Variants in TTC28 observed in about 807,000 individuals in gnomAD.
TTC28 encodes the protein tetratricopeptide repeat protein 28.
In TTC28, 61 loss-of-function variants were observed where a neutral mutation model predicts 198.0. That is an observed-to-expected ratio of 0.31 (90% CI 0.25 to 0.38). The LOEUF is 0.38. Ranked by LOEUF, TTC28 falls within the 10% of genes least tolerant of loss-of-function variation. The pLI is 1.00. For missense variants in TTC28, 2,678 were observed against 3,164.0 expected (o/e 0.85, Z 3.69); for synonymous variants, 1,171 against 1,297.8 (o/e 0.90, Z 2.10).
At chr22:28,487,888 T>G (rs944687485) in intron 2 of TTC28, among the ~76,000 whole-genome samples, 4 of 152,220 alleles carry the variant, frequency 2.6e-5, no homozygotes, top group Non-Finnish European at 4.4e-5. Context: ...GGAGATTAAG[T>G]GAGACCATGT....
At chr22:28,585,977 TA>T (rs892582692) in intron 2 of TTC28, among the ~76,000 whole-genome samples, 448 of 141,114 alleles carry the variant, frequency 3.2e-3, no homozygotes, top group Non-Finnish European at 3.0e-3. Flanking sequence ...AAGGTACAAT[TA>T]AAAAAAAAAA....
At chr22:28,580,446 C>T (rs761430768) in intron 2 of TTC28, among the ~76,000 whole-genome samples, 4 of 152,086 alleles carry the variant, frequency 2.6e-5, no homozygotes, top group Non-Finnish European at 5.9e-5. Flanking sequence ...CTATGTTGCC[C>T]AGGCTGGTCT....
chr22:27,992,459 TCTC>T (rs1937451086), intron 19 of TTC28, 125 bp downstream of exon 19: 8 of 966,604 alleles, frequency 8.3e-6, no homozygotes, highest in Non-Finnish European at 1.2e-5. Flanking sequence ...GCCCTCACCT[TCTC>T]CTTTGAATCA....
At chr22:28,256,984 G>A (rs936488884) in intron 5 of TTC28, among the ~76,000 whole-genome samples, 4 of 152,236 alleles carry the variant, frequency 2.6e-5, no homozygotes, top group African/African-American at 9.6e-5. Context: ...AGGTTACAGT[G>A]AGCTATGATC....
At chr22:28,144,593 T>A (rs752045031) in intron 6 of TTC28, among the ~76,000 whole-genome samples, 3 of 152,210 alleles carry the variant, frequency 2.0e-5, no homozygotes, top group African/African-American at 7.2e-5. Flanking sequence ...ATCTGTAAGC[T>A]TATTTTAAAA....
At chr22:28,170,858 CCTCTCAGGCTCACCCAG>C (rs1300737839) in intron 5 of TTC28, among the ~76,000 whole-genome samples, 3 of 152,082 alleles carry the variant, frequency 2.0e-5, no homozygotes, top group African/African-American at 7.2e-5. Context: ...CTCACCACCC[CCTCTCAGGCTCACCCAG>C]CTCTTCAACC....
chr22:28,155,550 A>C (rs370849493), intron 6 of TTC28, among the ~76,000 whole-genome samples: 1 of 152,358 alleles, frequency 6.6e-6, no homozygotes, highest in South Asian at 2.1e-4. Flanking sequence ...TTATATTGTT[A>C]CTAAGAGAGG....
intron 14 of TTC28, among the ~76,000 whole-genome samples, chr22:28,010,689 T>C (rs772277945): frequency 7.1e-4 from 108 of 152,170 alleles, no homozygotes; most frequent in Non-Finnish European, 1.3e-3. Context: ...CTGTGCTGGC[T>C]GGCAGAGGCA....
intron 5 of TTC28, among the ~76,000 whole-genome samples, chr22:28,226,008 A>G (rs900941636): frequency 1.3e-5 from 2 of 152,192 alleles, no homozygotes; most frequent in African/African-American, 4.8e-5. Flanking sequence ...TGTTGTTTGG[A>G]TATACTACCA....
At chr22:28,653,306 C>A (rs1421848203) in intron 1 of TTC28, among the ~76,000 whole-genome samples, 1 of 152,110 alleles carries the variant, frequency 6.6e-6, no homozygotes, top group East Asian at 1.9e-4. Flanking sequence ...GAGTTCCAGA[C>A]CAGCCTGGGT....
chr22:28,217,373 C>T (rs1927490318), intron 5 of TTC28, among the ~76,000 whole-genome samples: 1 of 152,128 alleles, frequency 6.6e-6, no homozygotes, highest in Non-Finnish European at 1.5e-5. Flanking sequence ...ATGAGTTTTG[C>T]CATATACCTA....
intron 2 of TTC28, among the ~76,000 whole-genome samples, chr22:28,607,177 T>A (rs2050749489): frequency 6.6e-6 from 1 of 152,172 alleles, no homozygotes; most frequent in African/African-American, 2.4e-5. Context: ...AACTTTCCAC[T>A]CCTTATCAAA....
chr22:28,607,163 T>TC (rs1382001372), intron 2 of TTC28, among the ~76,000 whole-genome samples: 1 of 152,212 alleles, frequency 6.6e-6, no homozygotes, highest in Non-Finnish European at 1.5e-5. Flanking sequence ...TCACATTTTT[T>TC]CACAACTTTC....
chr22:28,574,852 T>G (rs1042227801), intron 2 of TTC28, among the ~76,000 whole-genome samples: 6 of 152,198 alleles, frequency 3.9e-5, no homozygotes, highest in African/African-American at 1.4e-4. Context: ...TCAGATTGTT[T>G]GCCCATTTTT....
chr22:28,256,075 G>C (rs573794821), intron 5 of TTC28, among the ~76,000 whole-genome samples: 1 of 151,678 alleles, frequency 6.6e-6, no homozygotes, highest in African/African-American at 2.4e-5. Context: ...TAGTAGCAAA[G>C]AAATAGTACA....
intron 5 of TTC28, among the ~76,000 whole-genome samples, chr22:28,289,012 G>A (rs889746376): frequency 1.3e-5 from 2 of 152,088 alleles, no homozygotes; most frequent in African/African-American, 2.4e-5. Context: ...TCCTCCACTT[G>A]CATAAGAATA....
intron 2 of TTC28, among the ~76,000 whole-genome samples, chr22:28,392,059 C>T (rs979734750): frequency 6.6e-6 from 1 of 152,186 alleles, no homozygotes; most frequent in Non-Finnish European, 1.5e-5. Context: ...TTCCTTCTAA[C>T]AGACAGGACC....
intron 12 of TTC28, among the ~76,000 whole-genome samples, chr22:28,085,747 G>A (rs1048237300): frequency 5.9e-5 from 9 of 152,038 alleles, no homozygotes; most frequent in Non-Finnish European, 1.0e-4. Context: ...ACCCATCAGT[G>A]TGCTGTATTC....
intron 2 of TTC28, among the ~76,000 whole-genome samples, chr22:28,575,933 C>T (rs2050140631): frequency 6.6e-6 from 1 of 152,106 alleles, no homozygotes; most frequent in Admixed American, 6.6e-5. Flanking sequence ...TATAAAATCA[C>T]ATCATCTGTA....
Sources: allele counts gnomAD v4.1 joint callset (sites outside exome capture counted in the v4.1 genomes callset), GRCh38; gene constraint gnomAD v4.1.1; transcripts MANE v1.5; gene names NCBI Gene and HGNC (gene_info 2026-07-23, HGNC 2026-07-21).